The following CACNG3 variants were observed in gnomAD, a reference collection of about 807,000 sequenced individuals.
CACNG3 encodes the protein calcium voltage-gated channel auxiliary subunit gamma 3.
A neutral mutation model predicts 28.5 loss-of-function variants in CACNG3; 3 were observed. The observed-to-expected ratio is 0.11, with a 90% CI of 0.05 to 0.27. The LOEUF (loss-of-function observed/expected upper bound fraction) is 0.27, where lower values mean the gene tolerates loss of function less well. Ranked by LOEUF, CACNG3 falls within the 10% of genes least tolerant of loss-of-function variation. CACNG3 has a pLI of 1.00. For synonymous variants in CACNG3, 174 were observed against 162.2 expected (o/e 1.07, Z -0.55); for missense variants, 236 against 414.4 (o/e 0.57, Z 3.74).
intron 3 of CACNG3, among the ~76,000 whole-genome samples, chr16:24,355,992 C>G (rs1900026734): frequency 6.6e-6 from 1 of 152,164 alleles, no homozygotes; most frequent in South Asian, 2.1e-4. Context: ...TTAAAGGGTC[C>G]TGTTCTCTGC....
chr16:24,278,926 A>G (rs1898785293), intron 1 of CACNG3, among the ~76,000 whole-genome samples: 1 of 152,250 alleles, frequency 6.6e-6, no homozygotes, highest in Non-Finnish European at 1.5e-5. Context: ...TTAAGAGCTG[A>G]AAGATGAGCA....
chr16:24,317,539 C>CA (rs201724967), intron 1 of CACNG3, among the ~76,000 whole-genome samples: 2,002 of 47,002 alleles, frequency 0.043, 173 homozygotes, highest in African/African-American at 0.14. Context: ...GATTCTGTCT[C>CA]AAAAAAAAAA....
intron 1 of CACNG3, among the ~76,000 whole-genome samples, chr16:24,316,968 G>A (rs1270277887): frequency 3.9e-5 from 6 of 152,174 alleles, no homozygotes; most frequent in Non-Finnish European, 5.9e-5. Flanking sequence ...AATGCACAGC[G>A]AATCACATAG....
intron 1 of CACNG3, among the ~76,000 whole-genome samples, chr16:24,310,221 C>T (rs1380552206): frequency 1.3e-5 from 2 of 152,148 alleles, no homozygotes; most frequent in Non-Finnish European, 2.9e-5. Context: ...GAAAAGATAT[C>T]GAGAAGTCAG....
intron 1 of CACNG3, among the ~76,000 whole-genome samples, chr16:24,319,068 T>A (rs9925729): frequency 0.65 from 98,453 of 152,144 alleles, 32,110 homozygotes; most frequent in Middle Eastern, 0.72. Flanking sequence ...AGATACTCAC[T>A]TTCCATTTAC....
intron 1 of CACNG3, among the ~76,000 whole-genome samples, chr16:24,301,013 A>C (rs1899101782): frequency 1.3e-5 from 2 of 149,056 alleles, no homozygotes; most frequent in African/African-American, 5.0e-5. Context: ...ACTGCACTCC[A>C]GCCTGGGTGA....
At chr16:24,358,499 T>C (rs1900064228) in intron 3 of CACNG3, among the ~76,000 whole-genome samples, 1 of 152,234 alleles carries the variant, frequency 6.6e-6, no homozygotes, top group South Asian at 2.1e-4. Context: ...TCATGTACAA[T>C]GTACCATTTA....
At chr16:24,351,831 C>CTT (rs869158970) in intron 2 of CACNG3, among the ~76,000 whole-genome samples, 1,443 of 85,084 alleles carry the variant, frequency 0.017, 66 homozygotes, top group African/African-American at 0.065. Context: ...CTCTCTCTCT[C>CTT]TTTTTTTTTT....
At position 24,361,804 on chromosome 16, in the gene CACNG3, A is replaced by C; in HGVS notation, c.889A>C (p.Lys297Gln). The change falls in exon 4 of 4, where the codon AAA becomes CAA. Residue 297 changes from lysine (K) to glutamine (Q), a missense_variant. Physicochemically the swap from Lys to Gln is moderately conservative, Grantham distance 53. Transcript: ENST00000005284. This position sits in a 1 kb window ranked among gnomAD's most constrained non-coding sequence, Gnocchi z 6.8. ...TCTACAGTTCCACAATTCCACACCC[A>C]AAGAGTTCAAAGAGTCACTGCATAA... Reference protein sequence around the residue: ...AFLQFHNSTPKEFKESLHNNP... With the variant: ...AFLQFHNSTPQEFKESLHNNP... 1 of 1,613,756 alleles carries C rather than the reference A, an allele frequency of 6.2e-7. No individual in the cohort carries two copies. Among genetic ancestry groups the C allele is most frequent in the Non-Finnish European group, 8.5e-7 (1 of 1,179,998 alleles).
chr16:24,274,884 C>T (rs78508576), intron 1 of CACNG3, among the ~76,000 whole-genome samples: 1 of 152,192 alleles, frequency 6.6e-6, no homozygotes, highest in East Asian at 1.9e-4. Flanking sequence ...CCCAAATTCT[C>T]GAGACAGTAA....
At chr16:24,257,032 G>A in intron 1 of CACNG3, 67 bp downstream of exon 1, 1 of 1,001,848 alleles carries the variant, frequency 1.0e-6, no homozygotes, top group Non-Finnish European at 1.6e-6. Flanking sequence ...GTGTTTGGAG[G>A]AGATGGAAAT....
intron 1 of CACNG3, among the ~76,000 whole-genome samples, chr16:24,339,745 A>AT (rs972450769): frequency 5.3e-5 from 8 of 151,892 alleles, no homozygotes; most frequent in South Asian, 2.1e-4. Flanking sequence ...ATTTTACTCC[A>AT]TTTTTTTTCT....
At chr16:24,335,168 C>T (rs1299174252) in intron 1 of CACNG3, among the ~76,000 whole-genome samples, 1 of 152,126 alleles carries the variant, frequency 6.6e-6, no homozygotes, top group African/African-American at 2.4e-5. Context: ...ACCTGTAATC[C>T]CAGCGCTTTG....
chr16:24,334,173 C>T (rs753484132), intron 1 of CACNG3, among the ~76,000 whole-genome samples: 1 of 152,194 alleles, frequency 6.6e-6, no homozygotes, highest in East Asian at 1.9e-4. Context: ...TAGCAAAAGA[C>T]CTACAACGCT....
chr16:24,317,686 AAGAAAGAAAG>A (rs1899397667), intron 1 of CACNG3, among the ~76,000 whole-genome samples: 1 of 107,670 alleles, frequency 9.3e-6, no homozygotes, highest in African/African-American at 4.0e-5. Flanking sequence ...GAAAGAAAGA[AAGAAAGAAAG>A]AAAGAAAGAA....
chr16:24,256,725 C>G lies in CACNG3; in HGVS notation c.-30C>G. ...CCGGCACTGACTCTCCCCCTCCAACCCCCAGCCGTCCAGAGTACCATGAAG... is the reference window on the plus strand; with the variant it reads ...CCGGCACTGACTCTCCCCCTCCAACGCCCAGCCGTCCAGAGTACCATGAAG... On this transcript the variant is annotated 5_prime_UTR_variant, in exon 1 of 4. Coordinates refer to ENST00000005284, the MANE Select transcript of CACNG3 (RefSeq NM_006539.4). This position sits in a 1 kb window ranked among gnomAD's most constrained non-coding sequence, Gnocchi z 4.6. The G allele has an allele frequency of 6.6e-7, 1 of 1,504,992 alleles. No individual in the cohort carries two copies. The highest frequency in any genetic ancestry group is 9.2e-7 in the Non-Finnish European group (1 of 1,081,200). 93.2% of individuals were successfully genotyped at this position (1,504,992 alleles called of 1,614,324 possible).
chr16:24,327,953 T>A (rs1040533860), intron 1 of CACNG3, among the ~76,000 whole-genome samples: 1 of 152,044 alleles, frequency 6.6e-6, no homozygotes, highest in African/African-American at 2.4e-5. Flanking sequence ...ACAAACAAAG[T>A]AAAAACAATT....
At chr16:24,302,935 C>T (rs1899134117) in intron 1 of CACNG3, among the ~76,000 whole-genome samples, 1 of 151,894 alleles carries the variant, frequency 6.6e-6, no homozygotes, top group African/African-American at 2.4e-5. Context: ...GCTGGAATTA[C>T]AGGCATGAGC....
At chr16:24,278,360 G>A (rs149308933) in intron 1 of CACNG3, among the ~76,000 whole-genome samples, 408 of 152,234 alleles carry the variant, frequency 2.7e-3, no homozygotes, top group African/African-American at 9.2e-3. Flanking sequence ...ACTCACACCC[G>A]TAATCCCTGC....
Sources: allele counts gnomAD v4.1 joint callset (sites outside exome capture counted in the v4.1 genomes callset), GRCh38; gene constraint gnomAD v4.1.1; non-coding constraint Gnocchi (gnomAD v3.1); transcripts MANE v1.5; gene names NCBI Gene and HGNC (gene_info 2026-07-23, HGNC 2026-07-21).